The following PDE4D variants were observed in gnomAD, a reference collection of about 807,000 sequenced individuals.
PDE4D encodes the protein 3',5'-cyclic-AMP phosphodiesterase 4D.
PDE4D carries 24 observed loss-of-function variants against 87.4 expected under a neutral mutation model. The observed-to-expected ratio is 0.27, with a 90% CI of 0.20 to 0.39. The LOEUF is 0.39. Among genes scored for constraint, PDE4D ranks in the 10% least tolerant of loss-of-function variants. PDE4D has a pLI of 1.00. For synonymous variants in PDE4D, 384 were observed against 383.2 expected, an observed-to-expected ratio of 1.00 and a Z score of -0.02; for missense variants, 714 against 1,041.0, an observed-to-expected ratio of 0.69 and a Z score of 4.32.
At chr5:59,919,663 C>T (rs917664582) in intron 3 of PDE4D, among the ~76,000 whole-genome samples, 5 of 152,188 alleles carry the variant, frequency 3.3e-5, no homozygotes, top group East Asian at 1.9e-4. Context: ...TAATCATGCA[C>T]CATCTGTTCC....
intron 2 of PDE4D, among the ~76,000 whole-genome samples, chr5:60,041,906 A>ATT (rs67016280): frequency 7.3e-4 from 108 of 147,240 alleles, no homozygotes; most frequent in Middle Eastern, 7.0e-3. Flanking sequence ...TAGCTGCAGG[A>ATT]TTTTTTTTTT....
At chr5:59,663,411 T>C (rs1440987125) in intron 1 of PDE4D, among the ~76,000 whole-genome samples, 1 of 152,144 alleles carries the variant, frequency 6.6e-6, no homozygotes, top group East Asian at 1.9e-4. Context: ...CTTCAGGTGA[T>C]CCGCTTGCCT....
chr5:59,190,563 A>T (rs1442034064), intron 3 of PDE4D, among the ~76,000 whole-genome samples: 2 of 152,152 alleles, frequency 1.3e-5, no homozygotes, highest in African/African-American at 4.8e-5. Flanking sequence ...TATCAGGACA[A>T]ATTAGATTGG....
In PDE4D at chr5:59,274,650, T is replaced by C. The variant is rs1764463840; in HGVS notation, c.456-58682A>G. ...CCTATTGTAGAAAAAAAAGTTACTT[T>C]GTTGGAAAATACTCCTTAAGGGCCA... On this transcript the variant is annotated intron_variant, in intron 1 of 14. Coordinates refer to ENST00000340635, the MANE Select transcript of PDE4D (RefSeq NM_001104631.2). Among the ~76,000 whole-genome samples the C allele has an allele frequency of 2.0e-5, 3 of 152,098 alleles. No individual in the cohort carries two copies. The South Asian group carries it at 6.2e-4, about 32-fold the overall frequency.
At chr5:59,450,939 G>T (rs564546161) in intron 1 of PDE4D, among the ~76,000 whole-genome samples, 5 of 151,262 alleles carry the variant, frequency 3.3e-5, no homozygotes, top group African/African-American at 1.2e-4. Context: ...TACAAAATAA[G>T]ATCCCTCTCA....
At chr5:59,096,774 C>G (rs1323181547) in intron 5 of PDE4D, among the ~76,000 whole-genome samples, 2 of 152,146 alleles carry the variant, frequency 1.3e-5, no homozygotes, top group East Asian at 3.9e-4. Flanking sequence ...GACAGAGAAA[C>G]TAAATCCTCA....
intron 1 of PDE4D, among the ~76,000 whole-genome samples, chr5:60,189,665 T>G (rs1167798835): frequency 3.9e-5 from 6 of 152,224 alleles, no homozygotes; most frequent in African/African-American, 7.2e-5. Flanking sequence ...GTTTTATATA[T>G]GTAAGAAGAA....
At chr5:60,289,764 C>G (rs1012319018) in intron 1 of PDE4D, among the ~76,000 whole-genome samples, 2 of 152,108 alleles carry the variant, frequency 1.3e-5, no homozygotes, top group Non-Finnish European at 2.9e-5. Flanking sequence ...ATTAAATGTG[C>G]AATTTGTTCT....
At chr5:59,624,129 T>C (rs1289675600) in intron 1 of PDE4D, among the ~76,000 whole-genome samples, 1 of 152,220 alleles carries the variant, frequency 6.6e-6, no homozygotes, top group Non-Finnish European at 1.5e-5. Context: ...CATTTTCTGT[T>C]CTTTTCCTGT....
intron 1 of PDE4D, among the ~76,000 whole-genome samples, chr5:60,412,749 G>A (rs747636020): frequency 3.3e-5 from 5 of 152,210 alleles, no homozygotes; most frequent in South Asian, 4.1e-4. Context: ...TTAATTTTAT[G>A]TCAATTATTT....
At chr5:59,673,604 C>T (rs530361047) in intron 1 of PDE4D, among the ~76,000 whole-genome samples, 1 of 152,250 alleles carries the variant, frequency 6.6e-6, no homozygotes, top group South Asian at 2.1e-4. Flanking sequence ...TTGCAAATTC[C>T]TGAGCAGCTT....
At chr5:59,949,324 T>A (rs532851883) in intron 3 of PDE4D, among the ~76,000 whole-genome samples, 1 of 149,920 alleles carries the variant, frequency 6.7e-6, no homozygotes, top group Middle Eastern at 3.6e-3. Flanking sequence ...TCCCAGCTAC[T>A]CAGGAGGCTG....
At chr5:59,119,327 G>A (rs1774109672) in intron 5 of PDE4D, among the ~76,000 whole-genome samples, 1 of 152,168 alleles carries the variant, frequency 6.6e-6, no homozygotes, top group Non-Finnish European at 1.5e-5. Flanking sequence ...TACCAAGAGA[G>A]AAGAGGAAAT....
At chr5:60,453,668 T>G (rs1746257258) in intron 1 of PDE4D, among the ~76,000 whole-genome samples, 1 of 152,138 alleles carries the variant, frequency 6.6e-6, no homozygotes, top group Non-Finnish European at 1.5e-5. Context: ...TATTTTTTTT[T>G]TAATCACATT....
intron 11 of PDE4D, among the ~76,000 whole-genome samples, chr5:58,979,657 T>C (rs1197560097): frequency 2.0e-5 from 3 of 152,182 alleles, no homozygotes; most frequent in African/African-American, 4.8e-5. Flanking sequence ...GGTTAGCTTA[T>C]ATAACATTTT....
rs182466999 is a variant in PDE4D at position 60,391,571 on chromosome 5, C to T, written c.-90+96371G>A. Among the ~76,000 whole-genome samples, 188 of 152,132 alleles carry T rather than the reference C, an allele frequency of 1.2e-3. 2 individuals carry two copies. The East Asian group carries it at 0.023, about 19-fold the overall frequency. On this transcript the variant is annotated intron_variant, in intron 1 of 16. Transcript: ENST00000502484. ...GGCCCTTTTTTCCATTTTTAAAGAA[C>T]GCAATGTTATATCCCTCTGACTACT...
chr5:59,256,849 C>T (rs1389524557), intron 1 of PDE4D, among the ~76,000 whole-genome samples: 1 of 151,938 alleles, frequency 6.6e-6, no homozygotes, highest in African/African-American at 2.4e-5. Context: ...AAAATCAATA[C>T]ATTATATAAC....
intron 1 of PDE4D, among the ~76,000 whole-genome samples, chr5:59,379,000 G>A (rs1214932556): frequency 6.6e-6 from 1 of 151,948 alleles, no homozygotes; most frequent in Admixed American, 6.6e-5. Flanking sequence ...GTGTGTGTGT[G>A]TGTGATGTGT....
intron 1 of PDE4D, among the ~76,000 whole-genome samples, chr5:59,538,817 T>C (rs979594421): frequency 6.6e-6 from 1 of 152,198 alleles, no homozygotes; most frequent in African/African-American, 2.4e-5. Flanking sequence ...CCAGAGCATG[T>C]GCAACTGTCC....
Sources: allele counts gnomAD v4.1 joint callset (sites outside exome capture counted in the v4.1 genomes callset), GRCh38; gene constraint gnomAD v4.1.1; transcripts MANE v1.5; gene names NCBI Gene and HGNC (gene_info 2026-07-23, HGNC 2026-07-21).